ITGAV: variants seen among roughly 807,000 people sequenced by gnomAD.
ITGAV encodes integrin alpha-V.
In ITGAV, 76 loss-of-function variants were observed where a neutral mutation model predicts 143.8. The observed-to-expected ratio is 0.53, with a 90% CI of 0.44 to 0.64. ITGAV has a LOEUF of 0.64. Among genes scored for constraint, ITGAV ranks in the 30% least tolerant of loss-of-function variants. ITGAV has a pLI of 0.00. For synonymous variants in ITGAV, 453 were observed against 446.7 expected (o/e 1.01, Z -0.18); for missense variants, 1,193 against 1,274.7 (o/e 0.94, Z 0.98).
intron 5 of ITGAV, among the ~76,000 whole-genome samples, chr2:186,631,527 G>C (rs1687814645): frequency 6.6e-6 from 1 of 151,854 alleles, no homozygotes; most frequent in Non-Finnish European, 1.5e-5. Context: ...TGGTGGTGGG[G>C]GAGTATGCAC....
intron 8 of ITGAV, among the ~76,000 whole-genome samples, chr2:186,637,562 G>A (rs1201313000): frequency 1.3e-5 from 2 of 151,804 alleles, no homozygotes; most frequent in African/African-American, 2.4e-5. Context: ...CAGAAGAAAT[G>A]AGGAAGATGT....
chr2:186,632,800 C>T (rs1019789413), intron 5 of ITGAV, among the ~76,000 whole-genome samples: 7 of 151,938 alleles, frequency 4.6e-5, no homozygotes, highest in Non-Finnish European at 8.8e-5. Flanking sequence ...GATAATACTT[C>T]GCATTAGTCC....
chr2:186,624,696 TTACTC>T (rs1687625552), intron 3 of ITGAV, among the ~76,000 whole-genome samples: 1 of 152,222 alleles, frequency 6.6e-6, no homozygotes, highest in Non-Finnish European at 1.5e-5. Flanking sequence ...AAAGCATTCA[TTACTC>T]TACTGCTCTA....
At chr2:186,609,796 A>ATG (rs749269570) in intron 2 of ITGAV, among the ~76,000 whole-genome samples, 1 of 151,132 alleles carries the variant, frequency 6.6e-6, no homozygotes, top group Admixed American at 6.6e-5. Context: ...TGCCCTACAT[A>ATG]TATATATATG....
chr2:186,652,924 A>G lies in ITGAV; in HGVS notation c.1505+835A>G, dbSNP rs564319986. Among the ~76,000 whole-genome samples the G allele has an allele frequency of 3.0e-5, 4 of 134,348 alleles. No individual in the cohort carries two copies. The East Asian group carries it at 9.0e-4, about 30-fold the overall frequency. The allele number at this position is 134,348 out of a possible 152,430, so 88.1% of individuals were successfully genotyped here. On this transcript the variant is annotated intron_variant, in intron 15 of 29. Transcript: ENST00000261023. ...CTTCAGTAATTTTTGCTCTATTTTC[A>G]TTATAGATTTTTTTTTTTTTTTTTT...
chr2:186,651,322 G>C (rs1403564714), intron 14 of ITGAV, among the ~76,000 whole-genome samples: 1 of 152,012 alleles, frequency 6.6e-6, no homozygotes, highest in Non-Finnish European at 1.5e-5. Flanking sequence ...TTTTTGTATA[G>C]GATTTAAACC....
chr2:186,664,595 C>A lies in ITGAV; in HGVS notation c.2027C>A (p.Ser676Tyr), dbSNP rs1321639888. Residue 676 changes from serine to tyrosine, a missense_variant, in exon 20 of 30, where the codon TCC (serine) becomes TAC (tyrosine). By Grantham distance (144) the Ser-to-Tyr change is moderately radical. Transcript: ENST00000261023. ...GCCTACGAAGCTGAGCTCATCGTTT[C>A]CATTCCACTGCAGGCTGATTTCATC... ...EGAYEAELIV[S>Y]IPLQADFIGV... 1 of 1,614,096 alleles carries A rather than the reference C, an allele frequency of 6.2e-7. No individual in the cohort carries two copies. The highest frequency in any genetic ancestry group is 8.5e-7 in the Non-Finnish European group (1 of 1,179,976).
At chr2:186,671,945 CTT>C (rs370408067) in intron 26 of ITGAV, among the ~76,000 whole-genome samples, 1 of 131,758 alleles carries the variant, frequency 7.6e-6, no homozygotes, top group East Asian at 2.2e-4. Context: ...CTTAGTACTC[CTT>C]TTTTTTTTTT....
Position 186,654,710 on chromosome 2 carries a change from T to C in ITGAV, c.1564+2T>C. ...AAGGAGTACTTCCCAGGAAACTTAG[T>C]AAGTGTTCTATGAAAAATCATATTA... On this transcript the variant is annotated splice_donor_variant, in intron 16 of 29. Coordinates refer to ENST00000261023, the MANE Select transcript of ITGAV (RefSeq NM_002210.5). LOFTEE classifies it high-confidence loss of function. 7.0e-7 allele frequency: 1 copy of C among 1,425,610 alleles called. No individual in the cohort carries two copies. The highest frequency in any genetic ancestry group is 9.9e-7 in the Non-Finnish European group (1 of 1,013,976). The allele number at this position is 1,425,610 out of a possible 1,614,324, so 88.3% of individuals were successfully genotyped here.
chr2:186,636,942 G>C, intron 7 of ITGAV, 123 bp from the exon 8 acceptor site: 1 of 749,024 alleles, frequency 1.3e-6, no homozygotes, highest in Non-Finnish European at 2.3e-6. Flanking sequence ...TTATGACTAG[G>C]GGACAAAATA....
intron 2 of ITGAV, among the ~76,000 whole-genome samples, chr2:186,617,753 T>G (rs949001098): frequency 6.6e-6 from 1 of 151,514 alleles, no homozygotes; most frequent in African/African-American, 2.5e-5. Flanking sequence ...TAAAATTATT[T>G]TATTGTGTGA....
intron 18 of ITGAV, among the ~76,000 whole-genome samples, chr2:186,661,566 A>T (rs1688745319): frequency 6.7e-6 from 1 of 148,490 alleles, no homozygotes; most frequent in African/African-American, 2.5e-5. Context: ...CATTTTTTTC[A>T]TTCAAATACA....
At chr2:186,629,443 G>A (rs978300520) in intron 4 of ITGAV, among the ~76,000 whole-genome samples, 45 of 151,960 alleles carry the variant, frequency 3.0e-4, no homozygotes, top group African/African-American at 1.1e-3. Context: ...GCTCTAACTT[G>A]AGGTTAGAGC....
chr2:186,606,151 A>T (rs948932903), intron 2 of ITGAV, among the ~76,000 whole-genome samples: 3 of 152,188 alleles, frequency 2.0e-5, no homozygotes, highest in Non-Finnish European at 4.4e-5. Context: ...GCATCCTGCT[A>T]AACTTTCTTT....
At chr2:186,676,036 A>G (rs748029968) in intron 28 of ITGAV, 109 bp downstream of exon 28, 1 of 656,490 alleles carries the variant, frequency 1.5e-6, no homozygotes. Flanking sequence ...GATAATTTAA[A>G]CTAATGAAGT....
chr2:186,612,680 C>A (rs1687248111), intron 2 of ITGAV, among the ~76,000 whole-genome samples: 1 of 152,210 alleles, frequency 6.6e-6, no homozygotes, highest in Non-Finnish European at 1.5e-5. Context: ...TTCTGCAGTA[C>A]AATTTCCATC....
intron 1 of ITGAV, among the ~76,000 whole-genome samples, chr2:186,594,857 A>G (rs1427205826): frequency 1.3e-5 from 2 of 152,218 alleles, no homozygotes; most frequent in African/African-American, 4.8e-5. Flanking sequence ...TTTTCTCATC[A>G]TAAATAATAT....
chr2:186,664,669 A>C, intron 20 of ITGAV, 28 bp downstream of exon 20: 1 of 1,613,726 alleles, frequency 6.2e-7, no homozygotes, highest in Non-Finnish European at 8.5e-7. Context: ...TTAAAAATTG[A>C]AATGCACTCA....
intron 2 of ITGAV, among the ~76,000 whole-genome samples, chr2:186,614,551 A>C (rs962384451): frequency 1.3e-5 from 2 of 152,110 alleles, no homozygotes; most frequent in African/African-American, 4.8e-5. Context: ...ATTTGATACT[A>C]TCTTCCTTTG....
Sources: gnomAD v4.1 joint callset for allele counts (sites outside exome capture counted in the v4.1 genomes callset) on GRCh38, gnomAD v4.1.1 for gene constraint, MANE v1.5 for transcripts, NCBI Gene and HGNC (gene_info 2026-07-23, HGNC 2026-07-21) for gene names.